RELB: variants seen among roughly 807,000 people sequenced by gnomAD.
The protein encoded by RELB is RELB proto-oncogene, NF-kB subunit, also known as transcription factor RelB.
RELB carries 14 observed loss-of-function variants against 55.4 expected under a neutral mutation model. That is an observed-to-expected ratio of 0.25 (90% confidence interval 0.17 to 0.40). The LOEUF is 0.40. Ranked by LOEUF, RELB falls within the 10% of genes least tolerant of loss-of-function variation. The pLI is 1.00. For synonymous variants in RELB, 409 were observed against 371.3 expected (o/e 1.10, Z -1.17); for missense variants, 669 against 830.7 (o/e 0.81, Z 2.39).
intron 3 of RELB, 104 bp downstream of exon 3, chr19:45,009,926 C>T (rs1013612002): frequency 4.4e-6 from 5 of 1,143,310 alleles, no homozygotes; most frequent in Non-Finnish European, 6.5e-6. Flanking sequence ...AGAGGTGTCA[C>T]TGTGTGACTT....
rs1347128793 is a variant in RELB at position 45,029,091 on chromosome 19, G to A, written c.991+99G>A. 9 of 808,304 alleles carry A rather than the reference G, an allele frequency of 1.1e-5. No individual in the cohort carries two copies. In the East Asian group the frequency reaches 2.1e-4, roughly 19 times the overall value. 50.1% of individuals were successfully genotyped at this position (808,304 alleles called of 1,614,324 possible). On this transcript the variant is annotated intron_variant, in intron 8 of 11. Coordinates refer to ENST00000221452, the MANE Select transcript of RELB (RefSeq NM_006509.4). ...AAGATGAAAGGATGAGAAAGAGCTG[G>A]TTAACCAGGGCACCAGAGTGCAAGG...
At position 45,037,672 on chromosome 19, in the gene RELB, C is replaced by A. The variant is rs1971711821; in HGVS notation, c.1622C>A (p.Ala541Asp). The A allele has an allele frequency of 1.3e-6, 2 of 1,568,832 alleles. No individual in the cohort carries two copies. Among genetic ancestry groups the A allele is most frequent in the Non-Finnish European group, 1.7e-6 (2 of 1,161,308 alleles). Reference protein sequence around the residue: ...PEPLTLDSYQAPGPGDGGTAS... With the variant: ...PEPLTLDSYQDPGPGDGGTAS... ...CCACTGACACTGGACTCGTACCAGG[C>A]CCCGGGCCCCGGGGATGGAGGCACC... The change falls in exon 12 of 12, where the codon GCC (alanine) becomes GAC (aspartate). Residue 541 changes from alanine to aspartate, a missense_variant. Ala to Asp is a moderately radical substitution (Grantham distance 126). Coordinates refer to ENST00000221452, the MANE Select transcript of RELB (RefSeq NM_006509.4).
At chr19:45,024,106 G>A (rs1477819299) in intron 5 of RELB, among the ~76,000 whole-genome samples, 1 of 151,772 alleles carries the variant, frequency 6.6e-6, no homozygotes, top group African/African-American at 2.4e-5. Flanking sequence ...CTCCCAAAGT[G>A]CTGGGATTAC....
intron 2 of RELB, among the ~76,000 whole-genome samples, chr19:45,008,031 G>A (rs1971304829): frequency 7.0e-6 from 1 of 143,542 alleles, no homozygotes; most frequent in Non-Finnish European, 1.5e-5. Flanking sequence ...AAAGCCGGGT[G>A]TGGTGGTGTG....
intron 2 of RELB, among the ~76,000 whole-genome samples, chr19:45,008,222 T>A (rs1164968975): frequency 6.6e-6 from 1 of 151,830 alleles, no homozygotes; most frequent in African/African-American, 2.4e-5. Flanking sequence ...AATAAAAGTA[T>A]CTTAGCCCAA....
intron 2 of RELB, among the ~76,000 whole-genome samples, chr19:45,006,514 C>T (rs1971283946): frequency 6.6e-6 from 1 of 151,976 alleles, no homozygotes; most frequent in Admixed American, 6.6e-5. Context: ...AGAAAATCCC[C>T]TTCATTGTGA....
intron 2 of RELB, among the ~76,000 whole-genome samples, 176 bp downstream of exon 2, chr19:45,003,172 G>C (rs2122378117): frequency 6.6e-6 from 1 of 152,218 alleles, no homozygotes; most frequent in East Asian, 1.9e-4. Context: ...CTCTTGGACT[G>C]TTAAGAGCGT....
chr19:45,032,277 G>A, intron 8 of RELB: 1 of 373,874 alleles, frequency 2.7e-6, no homozygotes, highest in East Asian at 5.0e-5. Flanking sequence ...AAATTAGCCG[G>A]GCGTGGTGGC....
chr19:45,012,084 G>A lies in RELB; in HGVS notation c.312G>A (p.Pro104=), dbSNP rs1295485707. 15 of 1,548,426 alleles carry A rather than the reference G, an allele frequency of 9.7e-6. No individual in the cohort carries two copies. Among genetic ancestry groups the A allele is most frequent in the South Asian group, 3.6e-5 (3 of 83,862 alleles). ...TLGPVAPPAT[P]PPWGCPLGRL... Reference sequence around the variant, plus strand: ...GCCCTGTGGCGCCCCCAGCCACGCCGCCGCCTTGGGGCTGCCCCCTGGGCC... The same window carrying A: ...GCCCTGTGGCGCCCCCAGCCACGCCACCGCCTTGGGGCTGCCCCCTGGGCC... Residue 104 remains proline (P), a synonymous_variant, in exon 4 of 12, where the codon CCG becomes CCA. Coordinates refer to ENST00000221452, the MANE Select transcript of RELB (RefSeq NM_006509.4).
At chr19:45,005,728 C>T (rs1305249335) in intron 2 of RELB, among the ~76,000 whole-genome samples, 4 of 152,190 alleles carry the variant, frequency 2.6e-5, no homozygotes, top group South Asian at 4.1e-4. Flanking sequence ...CTCAGCCTCC[C>T]GAGTAGCTGA....
At chr19:45,024,900 C>T (rs35894656) in intron 5 of RELB, among the ~76,000 whole-genome samples, 1,713 of 149,928 alleles carry the variant, frequency 0.011, 34 homozygotes, top group African/African-American at 0.04. Context: ...AACTCTGTTG[C>T]CCAGGCTGGA....
intron 4 of RELB, among the ~76,000 whole-genome samples, chr19:45,018,923 G>T (rs12981350): frequency 0.017 from 2,596 of 151,870 alleles, 91 homozygotes; most frequent in African/African-American, 0.059. Flanking sequence ...TGATCCACCC[G>T]CCAGATTACA....
intron 7 of RELB, among the ~76,000 whole-genome samples, chr19:45,026,191 G>A (rs923450023): frequency 2.6e-5 from 4 of 152,026 alleles, no homozygotes; most frequent in Non-Finnish European, 4.4e-5. Context: ...GCAGTGAGCC[G>A]AGATCGCGTC....
intron 7 of RELB, among the ~76,000 whole-genome samples, chr19:45,026,677 G>C (rs1971562269): frequency 6.6e-6 from 1 of 152,280 alleles, no homozygotes; most frequent in Admixed American, 6.5e-5. Flanking sequence ...CTTTCTGAGA[G>C]AGTGCATTAT....
chr19:45,019,237 A>G (rs970438802), intron 4 of RELB, among the ~76,000 whole-genome samples: 1 of 151,538 alleles, frequency 6.6e-6, no homozygotes, highest in Admixed American at 6.6e-5. Flanking sequence ...TGATTTTTGT[A>G]TTTTTTGTAG....
At chr19:45,018,746 G>A (rs953900622) in intron 4 of RELB, among the ~76,000 whole-genome samples, 2 of 149,500 alleles carry the variant, frequency 1.3e-5, no homozygotes, top group Admixed American at 6.7e-5. Context: ...GCGCGATCTC[G>A]GCTCACTGCA....
In RELB at chr19:45,027,034, C is replaced by A. The variant is rs35016739; in HGVS notation, c.886+1297C>A. The stretch of plus-strand genomic sequence containing the variant: ...CACGAGGTCAGGAGATCGAGACCAT[C>A]CTGGCTAACATGGCGAAACCCCGTC... On this transcript the variant is annotated intron_variant, in intron 7 of 11. Transcript: ENST00000221452. Among the ~76,000 whole-genome samples the A allele has an allele frequency of 9.4e-3, 1,437 of 152,074 alleles. 18 individuals carry two copies. The highest frequency in any genetic ancestry group is 0.033 in the African/African-American group (1,366 of 41,444).
At position 45,012,315 on chromosome 19, in the gene RELB, G is replaced by A. The variant is rs187374471; in HGVS notation, c.504+39G>A. ...GCGGCCCCGGGCGGGTGGGACTGGGGCTTCCCCTGCACCCCGGAGCCATCC... is the reference window on the plus strand; with the variant it reads ...GCGGCCCCGGGCGGGTGGGACTGGGACTTCCCCTGCACCCCGGAGCCATCC... On this transcript the variant is annotated intron_variant, in intron 4 of 11. Coordinates refer to ENST00000221452, the MANE Select transcript of RELB (RefSeq NM_006509.4). 3,677 of 1,288,536 alleles carry A rather than the reference G, an allele frequency of 2.9e-3. 109 individuals are homozygous for A. In the African/African-American group the frequency reaches 0.051, roughly 18 times the overall value. The allele number at this position is 1,288,536 out of a possible 1,614,324, so 79.8% of individuals were successfully genotyped here.
chr19:45,014,278 TC>T (rs1971396480), intron 4 of RELB, among the ~76,000 whole-genome samples: 1 of 144,422 alleles, frequency 6.9e-6, no homozygotes, highest in Admixed American at 7.2e-5. Flanking sequence ...CAAGAGACCC[TC>T]CCACCTCAGC....
Sources: allele counts gnomAD v4.1 joint callset (sites outside exome capture counted in the v4.1 genomes callset), GRCh38; gene constraint gnomAD v4.1.1; transcripts MANE v1.5; gene names NCBI Gene and HGNC (gene_info 2026-07-23, HGNC 2026-07-21).